Variants in DONSON observed in about 807,000 individuals in gnomAD.
The protein encoded by DONSON is DNA replication fork stabilization factor DONSON.
Under a neutral mutation model 62.1 loss-of-function variants are expected in DONSON, and 43 were observed. The observed-to-expected ratio is 0.69, with a 90% confidence interval of 0.54 to 0.89. The LOEUF is 0.89. Among genes scored for constraint, DONSON ranks in the 40% least tolerant of loss-of-function variants. DONSON has a pLI of 0.00. For missense variants in DONSON, 696 were observed against 697.5 expected, an observed-to-expected ratio of 1.00 and a Z score of 0.03; for synonymous variants, 266 against 264.6, an observed-to-expected ratio of 1.01 and a Z score of -0.05.
At chr21:33,584,433 A>G (rs183407044) in intron 4 of DONSON, among the ~76,000 whole-genome samples, 157 bp downstream of exon 4, 133 of 152,256 alleles carry the variant, frequency 8.7e-4, no homozygotes, top group African/African-American at 3.1e-3. Flanking sequence ...AAAAAAAAGT[A>G]AACAGTTTAT....
At chr21:33,585,913 G>T in intron 3 of DONSON, 65 bp downstream of exon 3, 1 of 1,475,228 alleles carries the variant, frequency 6.8e-7, no homozygotes, top group Non-Finnish European at 9.4e-7. Context: ...CTGCTATTTT[G>T]CAAAGGAGAG....
At chr21:33,583,804 G>A (rs559022801) in intron 4 of DONSON, 138 bp from the exon 5 acceptor site, 11 of 748,574 alleles carry the variant, frequency 1.5e-5, no homozygotes, top group South Asian at 4.7e-5. Flanking sequence ...TTGTGGTTAC[G>A]TATGACTTAG....
Position 33,578,192 on chromosome 21 carries a change from T to C in DONSON, c.*115A>G, listed in dbSNP as rs1256412491. ...ACATTTAAAACCTTAGATGCTACTG[T>C]AGTAAAAGTTATGTTTATAAACATT... On this transcript the variant is annotated 3_prime_UTR_variant, in exon 10 of 10. Coordinates refer to ENST00000303071, the MANE Select transcript of DONSON (RefSeq NM_017613.4). 1.8e-6 allele frequency: 2 copies of C among 1,099,966 alleles called. No homozygotes were observed. The highest frequency in any genetic ancestry group is 2.6e-6 in the Non-Finnish European group (2 of 775,962). The allele number at this position is 1,099,966 out of a possible 1,614,324, so 68.1% of individuals were successfully genotyped here. A position where few individuals can be genotyped will look rare whatever the true frequency, so the allele number is the denominator to read the frequency against.
intron 3 of DONSON, 48 bp from the exon 4 acceptor site, chr21:33,584,816 G>C (rs1569076757): frequency 7.1e-7 from 1 of 1,403,700 alleles, no homozygotes; most frequent in Middle Eastern, 1.9e-4. Flanking sequence ...TTGAGAAATA[G>C]AGAATTTTAT....
chr21:33,578,453 A>G lies in DONSON; in HGVS notation c.1564-9T>C. On this transcript the variant is annotated splice_polypyrimidine_tract_variant and intron_variant, in intron 9 of 9. Coordinates refer to ENST00000303071, the MANE Select transcript of DONSON (RefSeq NM_017613.4). ...TCCTTATGAACAACCTCCTGTGGAA[A>G]TGTGTGTACAAGTCAGTAAAAAGCA... 6.2e-7 allele frequency: 1 copy of G among 1,612,168 alleles called. No homozygotes were observed. The highest frequency in any genetic ancestry group is 1.1e-5 in the South Asian group (1 of 90,696).
Position 33,579,349 on chromosome 21 carries a change from C to T in DONSON, c.1563+1G>A, listed in dbSNP as rs534299298. The T allele has an allele frequency of 1.6e-5, 25 of 1,591,232 alleles. No individual in the cohort carries two copies. The highest frequency in any genetic ancestry group is 2.1e-5 in the Non-Finnish European group (25 of 1,165,142). On this transcript the variant is annotated splice_donor_variant, in intron 9 of 9. Transcript: ENST00000303071. LOFTEE classifies it high-confidence loss of function. Reference sequence around the variant, plus strand: ...CAGTCTGCTCATAGGTGTCTACTTACCATATCAAGTACTTTGTCCATTTGC... The same window carrying T: ...CAGTCTGCTCATAGGTGTCTACTTATCATATCAAGTACTTTGTCCATTTGC...
Position 33,585,985 on chromosome 21 carries a change from C to T in DONSON, c.599G>A (p.Ser200Asn), listed in dbSNP as rs778294070. The change falls in exon 3 of 10, where the codon AGT becomes AAT. Residue 200 changes from serine (S) to asparagine (N), a missense_variant. By Grantham distance (46) the Ser-to-Asn change is conservative. Coordinates refer to ENST00000303071, the MANE Select transcript of DONSON (RefSeq NM_017613.4). ...ATTTTATTTCAGAGTTACCTGTATA[C>T]TTTTAGGCAAAGTAACTTCTGTTGC... ...CRATEVTLPK[S>N]IQDPKLSSEL... 2 of 1,614,084 alleles carry T rather than the reference C, an allele frequency of 1.2e-6. No homozygotes were observed. The highest frequency in any genetic ancestry group is 8.5e-7 in the Non-Finnish European group (1 of 1,179,990).
At chr21:33,581,540 A>C (rs1411717827) in intron 7 of DONSON, 40 bp from the exon 8 acceptor site, 398 of 1,546,848 alleles carry the variant, frequency 2.6e-4, no homozygotes, top group Non-Finnish European at 3.1e-4. Context: ...AGCAAATCTC[A>C]CCTAATGTGG....
chr21:33,583,469 T>C lies in DONSON; in HGVS notation c.964+19A>G. On this transcript the variant is annotated intron_variant, in intron 5 of 9. Coordinates refer to ENST00000303071, the MANE Select transcript of DONSON (RefSeq NM_017613.4). ...TTACTATATAGTATAGTATTCTCAC[T>C]TTAAACCTAAACTTTTACCTTCATT... 1.2e-6 allele frequency: 2 copies of C among 1,611,126 alleles called. No homozygotes were observed. Among genetic ancestry groups the C allele is most frequent in the East Asian group, 2.2e-5 (1 of 44,818 alleles).
intron 9 of DONSON, among the ~76,000 whole-genome samples, chr21:33,579,124 A>T (rs1455423711): frequency 6.6e-6 from 1 of 151,968 alleles, no homozygotes; most frequent in African/African-American, 2.4e-5. Context: ...GGGCAACAGC[A>T]AGACTCCATC....
chr21:33,581,444 A>G lies in DONSON; in HGVS notation c.1208T>C (p.Val403Ala). 1 of 1,614,060 alleles carries G rather than the reference A, an allele frequency of 6.2e-7. No individual in the cohort carries two copies. Residue 403 changes from valine (V) to alanine (A), a missense_variant, in exon 8 of 10, where the codon GTA becomes GCA. Val to Ala is a moderately conservative substitution (Grantham distance 64, BLOSUM62 0). Transcript: ENST00000303071. ...MDHRPESVVL[V>A]KGINTFTLLN... Reference sequence around the variant, plus strand: ...CAATGTAAAGGTGTTGATTCCTTTTACCAACACAACAGATTCAGGTCTGTG... The same window carrying G: ...CAATGTAAAGGTGTTGATTCCTTTTGCCAACACAACAGATTCAGGTCTGTG...
At chr21:33,583,079 T>TA (rs2086532377) in intron 5 of DONSON, among the ~76,000 whole-genome samples, 1 of 151,336 alleles carries the variant, frequency 6.6e-6, no homozygotes. Context: ...CAGGCACCTG[T>TA]AGTCCCAGCT....
intron 8 of DONSON, chr21:33,579,763 A>T: frequency 1.9e-6 from 1 of 520,382 alleles, no homozygotes; most frequent in South Asian, 3.5e-5. Flanking sequence ...ATATTAAGAG[A>T]TTTTCAGGTG....
In DONSON at chr21:33,586,158, C is replaced by A. The variant is rs368596012; in HGVS notation, c.426G>T (p.Glu142Asp). 1.9e-6 allele frequency: 3 copies of A among 1,613,952 alleles called. No individual in the cohort carries two copies. In the African/African-American group the frequency reaches 4.0e-5, roughly 22 times the overall value. The change falls in exon 3 of 10, where the codon GAG becomes GAT. Residue 142 changes from glutamate to aspartate, a missense_variant. By Grantham distance (45) the Glu-to-Asp change is conservative. Transcript: ENST00000303071. ...LPQTSHVSFS[E>D]PDIPSSKSTE... Reference sequence around the variant, plus strand: ...TACTTTTTGAGGACGGAATATCAGGCTCGGAGAATGATACATGTGAAGTCT... The same window carrying A: ...TACTTTTTGAGGACGGAATATCAGGATCGGAGAATGATACATGTGAAGTCT...
Position 33,578,449 on chromosome 21 carries a change from G to A in DONSON, c.1564-5C>T, listed in dbSNP as rs2086461244. 1.2e-6 allele frequency: 2 copies of A among 1,612,216 alleles called. No homozygotes were observed. The highest frequency in any genetic ancestry group is 1.7e-4 in the Middle Eastern group (1 of 6,054). On this transcript the variant is annotated splice_polypyrimidine_tract_variant and splice_region_variant and intron_variant, in intron 9 of 9. Coordinates refer to ENST00000303071, the MANE Select transcript of DONSON (RefSeq NM_017613.4). The stretch of plus-strand genomic sequence containing the variant: ...AAGCTCCTTATGAACAACCTCCTGT[G>A]GAAATGTGTGTACAAGTCAGTAAAA...
chr21:33,588,421 G>A lies in DONSON; in HGVS notation c.221C>T (p.Ala74Val). 1.5e-6 allele frequency: 2 copies of A among 1,309,404 alleles called. No individual in the cohort carries two copies. Among genetic ancestry groups the A allele is most frequent in the South Asian group, 2.3e-5 (1 of 44,146 alleles). 81.1% of individuals were successfully genotyped at this position (1,309,404 alleles called of 1,614,324 possible). Reference protein sequence around the residue: ...RGGGSGGGPAAARRNPFARLD... With the variant: ...RGGGSGGGPAVARRNPFARLD... ...GCGGGCGAAGGGGTTCCTCCGAGCA[G>A]CGGCCGGGCCGCCGCCGCTGCCACC... Residue 74 changes from alanine (A) to valine (V), a missense_variant, in exon 1 of 10, where the codon GCT (alanine) becomes GTT (valine). Ala to Val is a moderately conservative substitution (Grantham distance 64). Transcript: ENST00000303071.
At chr21:33,582,930 G>A (rs755583722) in intron 5 of DONSON, among the ~76,000 whole-genome samples, 2 of 152,006 alleles carry the variant, frequency 1.3e-5, no homozygotes, top group African/African-American at 4.8e-5. Context: ...GTCCGGGCGC[G>A]GTGGCTCACG....
At chr21:33,585,740 C>A (rs2086570227) in intron 3 of DONSON, among the ~76,000 whole-genome samples, 1 of 151,528 alleles carries the variant, frequency 6.6e-6, no homozygotes, top group African/African-American at 2.4e-5. Flanking sequence ...GCCTGCAACA[C>A]TGATTAATTT....
At chr21:33,584,232 G>A (rs564792356) in intron 4 of DONSON, among the ~76,000 whole-genome samples, 2 of 151,040 alleles carry the variant, frequency 1.3e-5, no homozygotes, top group African/African-American at 4.9e-5. Context: ...ATTTTTAGTA[G>A]AGACAGGGTT....
Sources: allele counts gnomAD v4.1 joint callset (sites outside exome capture counted in the v4.1 genomes callset), GRCh38; gene constraint gnomAD v4.1.1; transcripts MANE v1.5; gene names NCBI Gene and HGNC (gene_info 2026-07-23, HGNC 2026-07-21).